Variants in HTR1F observed in about 807,000 individuals in gnomAD.
HTR1F encodes 5-hydroxytryptamine receptor 1F, also known as 5-hydroxytryptamine (serotonin) receptor 1F, G protein-coupled.
In HTR1F, 17 loss-of-function variants were observed where a neutral mutation model predicts 24.0. The observed-to-expected ratio is 0.71, with a 90% confidence interval of 0.48 to 1.06. The LOEUF (loss-of-function observed/expected upper bound fraction) is 1.06, where lower values mean the gene tolerates loss of function less well. Ranked by LOEUF, HTR1F falls within the 50% of genes least tolerant of loss-of-function variation. The probability of loss-of-function intolerance (pLI) is 0.00; values close to 1 mark genes in which losing one functional copy is unlikely to be tolerated. For synonymous variants in HTR1F, 186 were observed against 156.8 expected (o/e 1.19, Z -1.39); for missense variants, 391 against 427.8 (o/e 0.91, Z 0.76).
At chr3:87,917,639 T>C (rs1703924296) in intron 2 of HTR1F, among the ~76,000 whole-genome samples, 1 of 151,882 alleles carries the variant, frequency 6.6e-6, no homozygotes, top group Non-Finnish European at 1.5e-5. Flanking sequence ...CTTGGAAAGA[T>C]ACAACCTTCT....
chr3:87,869,344 G>T (rs1014314505), intron 2 of HTR1F, among the ~76,000 whole-genome samples: 1 of 151,202 alleles, frequency 6.6e-6, no homozygotes, highest in Non-Finnish European at 1.5e-5. Context: ...TTTAGTCAGG[G>T]TTCTCCAGAA....
At chr3:87,924,069 T>C (rs1704071028) in intron 2 of HTR1F, among the ~76,000 whole-genome samples, 1 of 152,134 alleles carries the variant, frequency 6.6e-6, no homozygotes, top group African/African-American at 2.4e-5. Context: ...GAAATATTGG[T>C]AGTAGTTCTC....
chr3:87,847,742 T>C (rs899360631), intron 2 of HTR1F, among the ~76,000 whole-genome samples: 6 of 151,852 alleles, frequency 4.0e-5, no homozygotes, highest in African/African-American at 1.5e-4. Context: ...CTATTCTCTG[T>C]ATCCATAAGA....
intron 2 of HTR1F, among the ~76,000 whole-genome samples, chr3:87,911,053 G>A (rs1301984079): frequency 2.0e-5 from 3 of 151,712 alleles, no homozygotes; most frequent in South Asian, 4.1e-4. Flanking sequence ...CTAAGATCAC[G>A]ACTAAAAGAA....
chr3:87,928,691 C>A (rs1323745750), intron 2 of HTR1F, among the ~76,000 whole-genome samples: 2 of 152,150 alleles, frequency 1.3e-5, no homozygotes, highest in Non-Finnish European at 2.9e-5. Flanking sequence ...GGTTTTGGAC[C>A]ATTCATTCTA....
intron 2 of HTR1F, among the ~76,000 whole-genome samples, chr3:87,901,441 C>T (rs1178935419): frequency 6.6e-6 from 1 of 151,990 alleles, no homozygotes; most frequent in African/African-American, 2.4e-5. Flanking sequence ...AAGAAATAAC[C>T]ATGCTGACAC....
intron 2 of HTR1F, among the ~76,000 whole-genome samples, chr3:87,958,263 A>T (rs1177685175): frequency 6.6e-6 from 1 of 151,232 alleles, no homozygotes; most frequent in Non-Finnish European, 1.5e-5. Flanking sequence ...TGTTGTTTAG[A>T]TCCTTTATAT....
intron 2 of HTR1F, among the ~76,000 whole-genome samples, chr3:87,866,641 A>T (rs1031626458): frequency 4.4e-4 from 66 of 149,138 alleles, no homozygotes; most frequent in African/African-American, 1.5e-3. Context: ...TTTTTCTCTC[A>T]TACTTGCAAA....
intron 2 of HTR1F, among the ~76,000 whole-genome samples, chr3:87,945,468 A>G (rs2107449911): frequency 6.6e-6 from 1 of 152,320 alleles, no homozygotes; most frequent in African/African-American, 2.4e-5. Flanking sequence ...CAGGAGGTAC[A>G]GGTCAGAAGG....
At chr3:87,812,354 GA>G (rs1377542144) in intron 1 of HTR1F, among the ~76,000 whole-genome samples, 2 of 152,162 alleles carry the variant, frequency 1.3e-5, no homozygotes, top group Non-Finnish European at 2.9e-5. Context: ...CTGAGATGGA[GA>G]TGAGGAACTT....
intron 2 of HTR1F, among the ~76,000 whole-genome samples, chr3:87,898,582 T>C (rs1218118323): frequency 1.3e-5 from 2 of 152,138 alleles, no homozygotes; most frequent in East Asian, 3.9e-4. Flanking sequence ...TTAGAAAAAA[T>C]AATTTTATAT....
chr3:87,830,202 A>G (rs1423860911), intron 2 of HTR1F, among the ~76,000 whole-genome samples: 2 of 152,186 alleles, frequency 1.3e-5, no homozygotes, highest in East Asian at 1.9e-4. Context: ...AGAGTCTATG[A>G]GCCCCTTGAA....
intron 2 of HTR1F, among the ~76,000 whole-genome samples, chr3:87,869,678 G>A (rs1705513124): frequency 6.6e-6 from 1 of 152,000 alleles, no homozygotes; most frequent in African/African-American, 2.4e-5. Context: ...ACTGATGTTA[G>A]GCAGAAGAAA....
intron 2 of HTR1F, among the ~76,000 whole-genome samples, chr3:87,933,529 C>T (rs1704336460): frequency 6.6e-6 from 1 of 151,972 alleles, no homozygotes. Flanking sequence ...AATCAATGTA[C>T]AAAAATCACA....
intron 2 of HTR1F, among the ~76,000 whole-genome samples, chr3:87,926,404 C>T (rs151301471): frequency 2.0e-3 from 312 of 152,220 alleles, no homozygotes; most frequent in African/African-American, 7.3e-3. Flanking sequence ...CTCCTATATG[C>T]TCCCATAGCA....
At chr3:87,944,099 C>T (rs1323991307) in intron 2 of HTR1F, among the ~76,000 whole-genome samples, 3 of 152,100 alleles carry the variant, frequency 2.0e-5, no homozygotes, top group African/African-American at 7.2e-5. Context: ...AGTCCTGCAC[C>T]TGTTTTTCCA....
At chr3:87,876,121 G>A (rs1403087937) in intron 2 of HTR1F, among the ~76,000 whole-genome samples, 3 of 152,174 alleles carry the variant, frequency 2.0e-5, no homozygotes, top group African/African-American at 7.2e-5. Context: ...TGGGAAGGAT[G>A]TGTAGAATTG....
intron 2 of HTR1F, among the ~76,000 whole-genome samples, chr3:87,928,434 A>G (rs1704180815): frequency 6.6e-6 from 1 of 152,190 alleles, no homozygotes; most frequent in Non-Finnish European, 1.5e-5. Context: ...TCTAAGTAAT[A>G]GTATAGGTGA....
chr3:87,911,482 T>G (rs1384321784), intron 2 of HTR1F, among the ~76,000 whole-genome samples: 1 of 151,662 alleles, frequency 6.6e-6, no homozygotes, highest in Non-Finnish European at 1.5e-5. Context: ...AAATAGCCTA[T>G]CAGGACTGGA....
Sources: gnomAD v4.1 joint callset for allele counts (sites outside exome capture counted in the v4.1 genomes callset) on GRCh38, gnomAD v4.1.1 for gene constraint, MANE v1.5 for transcripts, NCBI Gene and HGNC (gene_info 2026-07-23, HGNC 2026-07-21) for gene names.